The following PLXNA2 variants were observed in gnomAD, a reference collection of about 807,000 sequenced individuals.
The protein encoded by PLXNA2 is plexin A2.
A neutral mutation model predicts 193.5 loss-of-function variants in PLXNA2; 91 were observed. The ratio of observed to expected loss-of-function variants is 0.47; its 90% CI spans 0.40 to 0.56. The LOEUF (loss-of-function observed/expected upper bound fraction) is 0.56. Ranked by LOEUF, PLXNA2 falls within the 20% of genes least tolerant of loss-of-function variation. The pLI is 0.00. For missense variants in PLXNA2, 1,995 were observed against 2,503.2 expected (o/e 0.80, Z 4.33); for synonymous variants, 997 against 1,027.3 (o/e 0.97, Z 0.56).
rs761645569 is a variant in PLXNA2 at position 208,038,352 on chromosome 1, A to G, written c.4764+19T>C. The G allele has an allele frequency of 3.3e-6, 5 of 1,519,076 alleles. No homozygotes were observed. The South Asian group carries it at 3.4e-5, about 10-fold the overall frequency. The allele number at this position is 1,519,076 out of a possible 1,614,324, so 94.1% of individuals were successfully genotyped here. A position where few individuals can be genotyped will look rare whatever the true frequency, so the allele number is the denominator to read the frequency against. On this transcript the variant is annotated intron_variant, in intron 26 of 31. Transcript: ENST00000367033. This position sits in a 1 kb window ranked among gnomAD's most constrained non-coding sequence, Gnocchi z 4.1. ...AACATTCTGGGAAGCTGAAGAGGGGAAAAGACACCCCCTCTCACCTGATAA... is the reference window on the plus strand; with the variant it reads ...AACATTCTGGGAAGCTGAAGAGGGGGAAAGACACCCCCTCTCACCTGATAA...
chr1:208,043,915 G>A (rs1178450292), intron 20 of PLXNA2, among the ~76,000 whole-genome samples: 1 of 152,256 alleles, frequency 6.6e-6, no homozygotes, highest in Non-Finnish European at 1.5e-5. Flanking sequence ...CTCAGCCTGA[G>A]AGGACGCCAG....
intron 3 of PLXNA2, among the ~76,000 whole-genome samples, chr1:208,184,649 T>C (rs1669942726): frequency 6.6e-6 from 1 of 152,086 alleles, no homozygotes; most frequent in African/African-American, 2.4e-5. Flanking sequence ...AAGCCAGATA[T>C]TGGGCACACC....
chr1:208,152,683 G>GCACACACACA (rs56051287), intron 3 of PLXNA2, among the ~76,000 whole-genome samples: 22 of 140,356 alleles, frequency 1.6e-4, no homozygotes, highest in African/African-American at 3.5e-4. Context: ...ACACACACAC[G>GCACACACACA]CACACACACA....
intron 29 of PLXNA2, chr1:208,031,336 A>G: frequency 1.5e-6 from 2 of 1,333,070 alleles, no homozygotes; most frequent in Non-Finnish European, 1.9e-6. Flanking sequence ...TACTGGTCAC[A>G]ACCTGGAGGG....
chr1:208,133,144 A>G (rs1388853287), intron 4 of PLXNA2, among the ~76,000 whole-genome samples: 1 of 152,162 alleles, frequency 6.6e-6, no homozygotes, highest in Non-Finnish European at 1.5e-5. Context: ...TTCTTGTGTT[A>G]GGGAGAGGGT....
At chr1:208,243,413 C>G (rs4844662) in intron 1 of PLXNA2, among the ~76,000 whole-genome samples, 92,739 of 151,868 alleles carry the variant, frequency 0.61, 29,260 homozygotes, top group African/African-American at 0.78. Context: ...GGGAAGCCCT[C>G]GGCGGGAGGC....
At chr1:208,109,340 A>G (rs998184853) in intron 4 of PLXNA2, among the ~76,000 whole-genome samples, 6 of 152,008 alleles carry the variant, frequency 3.9e-5, no homozygotes, top group Non-Finnish European at 7.4e-5. Flanking sequence ...TCAGGTTTAT[A>G]GGGTCTCAGA....
At chr1:208,142,617 A>G (rs1668491093) in intron 3 of PLXNA2, among the ~76,000 whole-genome samples, 154 bp from the exon 4 acceptor site, 1 of 152,110 alleles carries the variant, frequency 6.6e-6, no homozygotes, top group South Asian at 2.1e-4. Flanking sequence ...AAACAGCCCA[A>G]TTTCCACCAA....
At position 208,038,697 on chromosome 1, in the gene PLXNA2, G is replaced by A; in HGVS notation, c.4660+128C>T. On this transcript the variant is annotated intron_variant, in intron 25 of 31. Transcript: ENST00000367033. This position sits in a 1 kb window ranked among gnomAD's most constrained non-coding sequence, Gnocchi z 4.1. ...ATCTGAACAGGCAGCGCTCAAAGCG[G>A]GAAGCATTTCACACGGGCCTCAGCT... 9.7e-7 allele frequency: 1 copy of A among 1,026,414 alleles called. No individual in the cohort carries two copies. The highest frequency in any genetic ancestry group is 1.5e-6 in the Non-Finnish European group (1 of 676,410). The allele number at this position is 1,026,414 out of a possible 1,614,324, so 63.6% of individuals were successfully genotyped here. A position where few individuals can be genotyped will look rare whatever the true frequency, so the allele number is the denominator to read the frequency against.
rs531363936 is a variant in PLXNA2 at position 208,236,059 on chromosome 1, C to T, written c.-81+7584G>A. ...TGTCAGGGCACTGTGAAATCCCAGC[C>T]GGCCCTGCTCCTGGAAAACACCACT... On this transcript the variant is annotated intron_variant, in intron 1 of 31. Transcript: ENST00000367033. The surrounding 1 kb of genome is among the most constrained non-coding windows in gnomAD (Gnocchi z 4.4). 1.3e-5 allele frequency among the ~76,000 whole-genome samples: 2 copies of T among 152,092 alleles called. No homozygotes were observed. The highest frequency in any genetic ancestry group is 2.9e-5 in the Non-Finnish European group (2 of 68,028).
At chr1:208,231,220 C>T (rs74155212) in intron 1 of PLXNA2, among the ~76,000 whole-genome samples, 4,710 of 151,786 alleles carry the variant, frequency 0.031, 246 homozygotes, top group African/African-American at 0.1. Flanking sequence ...AATGGCAGGC[C>T]GGGGAGGGAG....
At chr1:208,194,321 C>T (rs1670281905) in intron 3 of PLXNA2, among the ~76,000 whole-genome samples, 2 of 152,008 alleles carry the variant, frequency 1.3e-5, no homozygotes, top group Admixed American at 1.3e-4. Context: ...CAATCACTAC[C>T]TAGAGTCACC....
chr1:208,183,179 C>T (rs1482901588), intron 3 of PLXNA2, among the ~76,000 whole-genome samples: 1 of 152,136 alleles, frequency 6.6e-6, no homozygotes, highest in Non-Finnish European at 1.5e-5. Context: ...TTGCAGTGAG[C>T]CATGGAGGGT....
intron 3 of PLXNA2, among the ~76,000 whole-genome samples, chr1:208,166,468 C>T (rs1669313406): frequency 6.6e-6 from 1 of 152,198 alleles, no homozygotes; most frequent in Non-Finnish European, 1.5e-5. Flanking sequence ...AGCTTGAATG[C>T]CTCCTGTGCA....
At chr1:208,230,573 T>G (rs1259338211) in intron 1 of PLXNA2, 3 of 152,302 alleles carry the variant, frequency 2.0e-5, no homozygotes, top group African/African-American at 7.2e-5. Context: ...GGCCTCGCAT[T>G]CTCTGGGCCC....
intron 3 of PLXNA2, among the ~76,000 whole-genome samples, chr1:208,201,144 A>C (rs1337390519): frequency 2.6e-5 from 4 of 152,254 alleles, no homozygotes; most frequent in African/African-American, 9.6e-5. Flanking sequence ...TCTGATACGC[A>C]TAGCAATCTT....
At chr1:208,030,776 C>T in intron 29 of PLXNA2, 1 of 985,446 alleles carries the variant, frequency 1.0e-6, no homozygotes. Context: ...GACCTCCCCT[C>T]TCCCCTCTCT....
rs767409647 is a variant in PLXNA2, at chr1:208,051,264, G to T, written c.3153C>A (p.Ser1051Arg). 2 of 1,607,214 alleles carry T rather than the reference G, an allele frequency of 1.2e-6. No individual in the cohort carries two copies. Among genetic ancestry groups the T allele is most frequent in the African/African-American group, 1.3e-5 (1 of 74,874 alleles). Residue 1051 changes from serine (S) to arginine (R), a missense_variant, in exon 16 of 32, where the codon AGC becomes AGA. Coordinates refer to ENST00000367033, the MANE Select transcript of PLXNA2 (RefSeq NM_025179.4). ...PRVQRIEPEW[S>R]IASGHTPLTI... ...CCCACCTTCCACCTCACCTGGCAATGCTCCACTCTGGCTCGATGCGCTGGA... is the reference window on the plus strand; with the variant it reads ...CCCACCTTCCACCTCACCTGGCAATTCTCCACTCTGGCTCGATGCGCTGGA...
chr1:208,049,861 T>A lies in PLXNA2; in HGVS notation c.3255+1148A>T, dbSNP rs565613247. 1.5e-4 allele frequency among the ~76,000 whole-genome samples: 23 copies of A among 152,284 alleles called. No individual in the cohort carries two copies. In the South Asian group the frequency reaches 4.8e-3, roughly 32 times the overall value. ...GGGTAAGAGGGGAGACATAACACCA[T>A]CTTCTCCATCTCCATCTTAGTCTAG... On this transcript the variant is annotated intron_variant, in intron 17 of 31. Transcript: ENST00000367033.
Sources: gnomAD v4.1 joint callset for allele counts (sites outside exome capture counted in the v4.1 genomes callset) on GRCh38, gnomAD v4.1.1 for gene constraint, Gnocchi (gnomAD v3.1) non-coding constraint, MANE v1.5 for transcripts, NCBI Gene and HGNC (gene_info 2026-07-23, HGNC 2026-07-21) for gene names.